The following GRM4 variants were observed in gnomAD, a reference collection of about 807,000 sequenced individuals.
GRM4 encodes metabotropic glutamate receptor 4.
GRM4 carries 28 observed loss-of-function variants against 81.7 expected under a neutral mutation model. That is an observed-to-expected ratio of 0.34 (90% CI 0.25 to 0.47). The LOEUF (loss-of-function observed/expected upper bound fraction) is 0.47. Among genes scored for constraint, GRM4 ranks in the 20% least tolerant of loss-of-function variants. The pLI is 1.00. For synonymous variants in GRM4, 488 were observed against 528.8 expected (o/e 0.92, Z 1.06); for missense variants, 948 against 1,290.0 (o/e 0.73, Z 4.06).
rs1430948063 is a variant in GRM4 at position 34,044,665 on chromosome 6, TAC to T, written c.1169-3919_1169-3918del. Among the ~76,000 whole-genome samples the T allele has an allele frequency of 8.1e-5, 9 of 111,220 alleles. No homozygotes were observed. The East Asian group carries it at 2.0e-3, about 24-fold the overall frequency. 73.0% of individuals were successfully genotyped at this position (111,220 alleles called of 152,430 possible). On this transcript the variant is annotated intron_variant, in intron 6 of 10. Transcript: ENST00000538487. ...ACACATATACATACATACACATATA[TAC>T]ACAGACACACACACACAGACATACA...
chr6:34,046,211 C>G (rs1445898121), intron 6 of GRM4, among the ~76,000 whole-genome samples: 3 of 152,222 alleles, frequency 2.0e-5, no homozygotes, highest in Admixed American at 6.5e-5. Flanking sequence ...CAGACACTCA[C>G]AGGTATTCAC....
intron 10 of GRM4, chr6:34,024,746 G>A: frequency 2.2e-6 from 1 of 455,954 alleles, no homozygotes; most frequent in South Asian, 1.5e-5. Context: ...AGACGATGAA[G>A]AATCACTTAG....
intron 2 of GRM4, among the ~76,000 whole-genome samples, chr6:34,093,007 G>A (rs1768323154): frequency 6.6e-6 from 1 of 152,084 alleles, no homozygotes; most frequent in African/African-American, 2.4e-5. Context: ...TCCACTCCCC[G>A]CTTGGCCCAC....
chr6:34,127,699 G>C (rs1770073767), intron 2 of GRM4, among the ~76,000 whole-genome samples: 1 of 152,164 alleles, frequency 6.6e-6, no homozygotes, highest in Non-Finnish European at 1.5e-5. Flanking sequence ...GCCGTGAGGA[G>C]TTGTCATGCC....
chr6:34,025,574 A>G (rs1470540713), intron 10 of GRM4, among the ~76,000 whole-genome samples: 1 of 152,138 alleles, frequency 6.6e-6, no homozygotes, highest in Non-Finnish European at 1.5e-5. Context: ...CAGGTTCCAG[A>G]AGCTGGGGAG....
At chr6:34,096,956 G>A (rs1281431075) in intron 2 of GRM4, among the ~76,000 whole-genome samples, 3 of 152,060 alleles carry the variant, frequency 2.0e-5, no homozygotes, top group Admixed American at 1.3e-4. Context: ...GTGCATGCAC[G>A]TGGGCACACG....
At position 34,089,750 on chromosome 6, in the gene GRM4, T is replaced by C. The variant is rs970164227; in HGVS notation, c.736+2133A>G. Among the ~76,000 whole-genome samples the C allele has an allele frequency of 6.7e-5, 10 of 150,130 alleles. No homozygotes were observed. The highest frequency in any genetic ancestry group is 1.2e-4 in the Non-Finnish European group (8 of 67,382). On this transcript the variant is annotated intron_variant, in intron 3 of 10. Coordinates refer to ENST00000538487, the MANE Select transcript of GRM4 (RefSeq NM_000841.4). The surrounding 1 kb of genome is among the most constrained non-coding windows in gnomAD (Gnocchi z 4.3). ...CGCCCAATACTTGATTAGATGTTGA[T>C]AAAAAAAAAATTAAACAATAGGCTT... is the stretch of plus-strand genomic sequence containing the variant.
chr6:34,032,701 G>A (rs1764498145), intron 9 of GRM4, among the ~76,000 whole-genome samples: 1 of 152,160 alleles, frequency 6.6e-6, no homozygotes, highest in Non-Finnish European at 1.5e-5. Flanking sequence ...CTGGCTGGGG[G>A]AGCCTCCTAA....
intron 6 of GRM4, among the ~76,000 whole-genome samples, chr6:34,043,756 A>C (rs998892624): frequency 6.6e-6 from 1 of 152,154 alleles, no homozygotes; most frequent in African/African-American, 2.4e-5. Flanking sequence ...AGCCATCAGT[A>C]TGGATGCTAG....
chr6:34,119,250 G>A (rs1008436591), intron 2 of GRM4, among the ~76,000 whole-genome samples: 2 of 152,178 alleles, frequency 1.3e-5, no homozygotes, highest in African/African-American at 4.8e-5. Context: ...ACAAAAATTA[G>A]CCAGGCATGG....
chr6:34,099,355 C>T (rs1768708128), intron 2 of GRM4, among the ~76,000 whole-genome samples: 1 of 152,116 alleles, frequency 6.6e-6, no homozygotes, highest in Admixed American at 6.5e-5. Context: ...GCCCAGAAGT[C>T]CAGGAGAAGG....
intron 10 of GRM4, among the ~76,000 whole-genome samples, chr6:34,025,730 G>A (rs1181820045): frequency 6.6e-6 from 1 of 152,210 alleles, no homozygotes; most frequent in East Asian, 1.9e-4. Flanking sequence ...GCAATGCTGT[G>A]GGGGAATCTC....
rs1157540193 is a variant in GRM4, at chr6:34,114,596, C to T, written c.519+18382G>A. Among the ~76,000 whole-genome samples the T allele has an allele frequency of 1.3e-5, 2 of 152,104 alleles. No homozygotes were observed. The highest frequency in any genetic ancestry group is 2.9e-5 in the Non-Finnish European group (2 of 68,032). On this transcript the variant is annotated intron_variant, in intron 2 of 10. Coordinates refer to ENST00000538487, the MANE Select transcript of GRM4 (RefSeq NM_000841.4). The surrounding 1 kb of genome is among the most constrained non-coding windows in gnomAD (Gnocchi z 4.3). ...CCTCTCCACTCACCCTCTGCCCAAC[C>T]CTCCTGCATGCCACATCCCTGTCAC... is the stretch of plus-strand genomic sequence containing the variant.
intron 9 of GRM4, among the ~76,000 whole-genome samples, chr6:34,032,132 C>T (rs1764466338): frequency 6.6e-6 from 1 of 152,172 alleles, no homozygotes; most frequent in African/African-American, 2.4e-5. Flanking sequence ...CACTCCTGGG[C>T]ACATATGCTC....
chr6:34,065,390 C>T (rs1766404059), intron 3 of GRM4, among the ~76,000 whole-genome samples: 1 of 139,430 alleles, frequency 7.2e-6, no homozygotes, highest in African/African-American at 3.0e-5. Context: ...AGTAAGAATC[C>T]ATGGGTCCAT....
intron 3 of GRM4, among the ~76,000 whole-genome samples, chr6:34,088,956 C>A (rs1768054587): frequency 6.6e-6 from 1 of 152,186 alleles, no homozygotes; most frequent in Non-Finnish European, 1.5e-5. Flanking sequence ...CCATGTGCCA[C>A]CTACAGGCTC....
At chr6:34,046,591 C>T (rs1363361553) in intron 6 of GRM4, among the ~76,000 whole-genome samples, 2 of 152,210 alleles carry the variant, frequency 1.3e-5, no homozygotes, top group African/African-American at 4.8e-5. Flanking sequence ...ATTGTCCCAT[C>T]CACAGGGATA....
chr6:34,097,457 G>A (rs373645900), intron 2 of GRM4, among the ~76,000 whole-genome samples: 1 of 140,046 alleles, frequency 7.1e-6, no homozygotes, highest in African/African-American at 2.8e-5. Context: ...GTGTGCGCGC[G>A]CATGTGTGTA....
chr6:34,033,693 CTCTCTT>C (rs1297854909), intron 9 of GRM4, among the ~76,000 whole-genome samples: 8 of 146,846 alleles, frequency 5.4e-5, no homozygotes, highest in Middle Eastern at 3.5e-3. Flanking sequence ...CTCTCTCTCT[CTCTCTT>C]TCTCTTTCTT....
Sources: gnomAD v4.1 joint callset for allele counts (sites outside exome capture counted in the v4.1 genomes callset) on GRCh38, gnomAD v4.1.1 for gene constraint, Gnocchi (gnomAD v3.1) non-coding constraint, MANE v1.5 for transcripts, NCBI Gene and HGNC (gene_info 2026-07-23, HGNC 2026-07-21) for gene names.